Variants in MAGI2 observed in about 807,000 individuals in gnomAD.
MAGI2 encodes the protein membrane-associated guanylate kinase, WW and PDZ domain-containing protein 2.
In MAGI2, 35 loss-of-function variants were observed where a neutral mutation model predicts 133.3. That is an observed-to-expected ratio of 0.26 (90% CI 0.20 to 0.35). The LOEUF (loss-of-function observed/expected upper bound fraction) is 0.35. Ranked by LOEUF, MAGI2 falls within the 10% of genes least tolerant of loss-of-function variation. The probability of loss-of-function intolerance (pLI) is 1.00; values close to 1 mark genes in which losing one functional copy is unlikely to be tolerated. For synonymous variants in MAGI2, 729 were observed against 710.6 expected (o/e 1.03, Z -0.41); for missense variants, 1,636 against 1,863.4 (o/e 0.88, Z 2.25).
At chr7:78,428,751 A>C (rs956340354) in intron 6 of MAGI2, among the ~76,000 whole-genome samples, 1 of 152,076 alleles carries the variant, frequency 6.6e-6, no homozygotes, top group Non-Finnish European at 1.5e-5. Context: ...TATTAGTTTC[A>C]CACGTATATT....
At chr7:78,491,191 T>G (rs927936393) in intron 5 of MAGI2, among the ~76,000 whole-genome samples, 1 of 152,062 alleles carries the variant, frequency 6.6e-6, no homozygotes, top group Admixed American at 6.6e-5. Context: ...TAATCACAAG[T>G]GTGTAAAAAC....
At chr7:78,298,528 G>T (rs1797521115) in intron 9 of MAGI2, among the ~76,000 whole-genome samples, 1 of 152,136 alleles carries the variant, frequency 6.6e-6, no homozygotes, top group Non-Finnish European at 1.5e-5. Flanking sequence ...GTGTTTTTGA[G>T]ACAGAAACTC....
rs547381252 is a variant in MAGI2, at chr7:79,386,085, A to C, written c.301+66935T>G. ...TTAAAGCTATAAGAAATAATAAAAA[A>C]TTTTAATATAGAACAAAAAAACCCT... On this transcript the variant is annotated intron_variant, in intron 1 of 21. Coordinates refer to ENST00000354212, the MANE Select transcript of MAGI2 (RefSeq NM_012301.4). 2.0e-5 allele frequency among the ~76,000 whole-genome samples: 3 copies of C among 148,064 alleles called. No homozygotes were observed. The East Asian group carries it at 6.0e-4, about 30-fold the overall frequency.
chr7:78,367,558 G>A lies in MAGI2; in HGVS notation c.1103+1598C>T, dbSNP rs562072202. Among the ~76,000 whole-genome samples the A allele has an allele frequency of 7.2e-5, 11 of 152,274 alleles. No homozygotes were observed. The South Asian group carries it at 1.4e-3, about 20-fold the overall frequency. On this transcript the variant is annotated intron_variant, in intron 7 of 21. Coordinates refer to ENST00000354212, the MANE Select transcript of MAGI2 (RefSeq NM_012301.4). ...GAGCTAAGCAGTTATAACAGAGGCC[G>A]TATTGTCCTCCACCCCAAATATTTG... is the stretch of plus-strand genomic sequence containing the variant.
At chr7:79,088,507 C>A (rs1816738871) in intron 1 of MAGI2, among the ~76,000 whole-genome samples, 1 of 152,216 alleles carries the variant, frequency 6.6e-6, no homozygotes, top group East Asian at 1.9e-4. Context: ...TTATTTCTTT[C>A]TCTTGCCTGA....
chr7:79,245,225 C>CAGGA (rs1832733645), intron 1 of MAGI2, among the ~76,000 whole-genome samples: 1 of 152,118 alleles, frequency 6.6e-6, no homozygotes, highest in Non-Finnish European at 1.5e-5. Flanking sequence ...TGGGGAGGGA[C>CAGGA]TCCTTTTGTT....
At chr7:78,891,775 C>A (rs1796773555) in intron 2 of MAGI2, among the ~76,000 whole-genome samples, 1 of 152,146 alleles carries the variant, frequency 6.6e-6, no homozygotes, top group Non-Finnish European at 1.5e-5. Flanking sequence ...CAATATCATA[C>A]TGAATGGGCA....
At chr7:78,486,972 GA>G in intron 6 of MAGI2, 1 of 525,240 alleles carries the variant, frequency 1.9e-6, no homozygotes. Flanking sequence ...GCTGGCAGTG[GA>G]AATCCCTGAT....
chr7:79,101,675 G>T lies in MAGI2; in HGVS notation c.302-94469C>A, dbSNP rs562100714. Among the ~76,000 whole-genome samples, 5 of 137,104 alleles carry T rather than the reference G, an allele frequency of 3.6e-5. No individual in the cohort carries two copies. In the East Asian group the frequency reaches 8.5e-4, roughly 23 times the overall value. The allele number at this position is 137,104 out of a possible 152,430, so 89.9% of individuals were successfully genotyped here. On this transcript the variant is annotated intron_variant, in intron 1 of 21. Transcript: ENST00000354212. ...GGAGGTGGAGCTTGTAGTGAGCCGAGATCGCGCCACCGCACTCCAGCAGGT... is the reference window on the plus strand; with the variant it reads ...GGAGGTGGAGCTTGTAGTGAGCCGATATCGCGCCACCGCACTCCAGCAGGT...
intron 10 of MAGI2, among the ~76,000 whole-genome samples, chr7:78,250,201 A>G (rs1792242076): frequency 6.6e-6 from 1 of 152,148 alleles, no homozygotes; most frequent in Non-Finnish European, 1.5e-5. Context: ...CATACAAAAC[A>G]TGTTCTCTTC....
intron 9 of MAGI2, among the ~76,000 whole-genome samples, chr7:78,294,185 C>T (rs746292045): frequency 2.0e-5 from 3 of 151,814 alleles, no homozygotes; most frequent in African/African-American, 4.8e-5. Context: ...CTGTTTTTCC[C>T]AATTAGACTG....
At chr7:78,057,193 A>C (rs768001749) in intron 21 of MAGI2, among the ~76,000 whole-genome samples, 1 of 151,950 alleles carries the variant, frequency 6.6e-6, no homozygotes, top group Admixed American at 6.6e-5. Context: ...ACAGAACACA[A>C]GAGTTCTAAT....
chr7:78,835,870 C>T (rs1791577849), intron 2 of MAGI2, among the ~76,000 whole-genome samples: 1 of 152,212 alleles, frequency 6.6e-6, no homozygotes, highest in South Asian at 2.1e-4. Context: ...TATGTTTTCT[C>T]TCTTTCTTAG....
At chr7:78,338,641 C>T (rs565190935) in intron 9 of MAGI2, among the ~76,000 whole-genome samples, 8 of 152,204 alleles carry the variant, frequency 5.3e-5, no homozygotes, top group African/African-American at 1.9e-4. Flanking sequence ...AAGAGCCATT[C>T]CCTCTATTAT....
At chr7:79,404,062 C>A (rs1845645236) in intron 1 of MAGI2, among the ~76,000 whole-genome samples, 1 of 152,144 alleles carries the variant, frequency 6.6e-6, no homozygotes, top group Admixed American at 6.5e-5. Flanking sequence ...ACATAAAGAA[C>A]TAATTATAGC....
chr7:78,811,280 A>G (rs1789019336), intron 2 of MAGI2, among the ~76,000 whole-genome samples: 1 of 152,010 alleles, frequency 6.6e-6, no homozygotes, highest in African/African-American at 2.4e-5. Context: ...TGATTTGGAG[A>G]AAAAGTAACT....
At chr7:79,189,094 A>G (rs1313035658) in intron 1 of MAGI2, among the ~76,000 whole-genome samples, 3 of 151,774 alleles carry the variant, frequency 2.0e-5, no homozygotes, top group African/African-American at 7.3e-5. Context: ...TATCTTTACT[A>G]ATTTATCTAT....
At chr7:78,099,293 C>T (rs1244811979) in intron 20 of MAGI2, among the ~76,000 whole-genome samples, 1 of 152,070 alleles carries the variant, frequency 6.6e-6, no homozygotes, top group Non-Finnish European at 1.5e-5. Flanking sequence ...AAATTTTTAA[C>T]CATTTGACAT....
In MAGI2 at chr7:78,175,933, C is replaced by T. The variant is rs540299956; in HGVS notation, c.2403+2078G>A. On this transcript the variant is annotated intron_variant, in intron 14 of 21. Coordinates refer to ENST00000354212, the MANE Select transcript of MAGI2 (RefSeq NM_012301.4). Reference sequence around the variant, plus strand: ...GAAGCCAAGCTGTATAAATATCCTGCGGAGGTCAGGAGGTTCTGTAGCATA... The same window carrying T: ...GAAGCCAAGCTGTATAAATATCCTGTGGAGGTCAGGAGGTTCTGTAGCATA... Among the ~76,000 whole-genome samples the T allele has an allele frequency of 5.9e-5, 9 of 152,234 alleles. No homozygotes were observed. The South Asian group carries it at 1.0e-3, about 18-fold the overall frequency.
Sources: allele counts gnomAD v4.1 joint callset (sites outside exome capture counted in the v4.1 genomes callset), GRCh38; gene constraint gnomAD v4.1.1; transcripts MANE v1.5; gene names NCBI Gene and HGNC (gene_info 2026-07-23, HGNC 2026-07-21).